The following WFS1 variants were observed in gnomAD, a reference collection of about 807,000 sequenced individuals.
WFS1 encodes wolframin.
In WFS1, 90 loss-of-function variants were observed where a neutral mutation model predicts 68.5. The ratio of observed to expected loss-of-function variants is 1.31; its 90% CI spans 1.11 to 1.56. The LOEUF is 1.56. WFS1 is among the 40% of genes most tolerant of loss of function. The pLI is 0.00. For synonymous variants in WFS1, 860 were observed against 540.7 expected (o/e 1.59, Z -8.19); for missense variants, 1,767 against 1,232.6 (o/e 1.43, Z -6.49).
chr4:6,282,432 CAG>C (rs1286975316), intron 2 of WFS1, among the ~76,000 whole-genome samples: 1 of 152,178 alleles, frequency 6.6e-6, no homozygotes, highest in African/African-American at 2.4e-5. Context: ...ACGAGAGGCG[CAG>C]AGAGATCGTG....
intron 1 of WFS1, among the ~76,000 whole-genome samples, chr4:6,271,088 T>C (rs1004072106): frequency 6.6e-6 from 1 of 152,218 alleles, no homozygotes; most frequent in African/African-American, 2.4e-5. Context: ...GGGTACCCCA[T>C]GTGCTGGCTG....
Position 6,302,036 on chromosome 4 carries a change from C to T in WFS1, c.2241C>T (p.Thr747=), listed in dbSNP as rs1284884837. ...ACCCTGCCTGCAGCCCTGGCAACAC[C>T]TCCACGGCCGAGGAGGAGCTCTGTC... ...EAYPACSPGN[T]STAEEELCRL... The change falls in exon 8 of 8, where the codon ACC becomes ACT. Residue 747 remains threonine (T), a synonymous_variant. Transcript: ENST00000226760. 2 of 1,612,692 alleles carry T rather than the reference C, an allele frequency of 1.2e-6. No individual in the cohort carries two copies. The highest frequency in any genetic ancestry group is 1.7e-6 in the Non-Finnish European group (2 of 1,179,952).
Position 6,277,512 on chromosome 4 carries a change from G to A in WFS1, c.57G>A (p.Pro19=), listed in dbSNP as rs1282394241. 5.7e-6 allele frequency: 9 copies of A among 1,580,924 alleles called. No individual in the cohort carries two copies. Among genetic ancestry groups the A allele is most frequent in the African/African-American group, 4.0e-5 (3 of 74,358 alleles). The change falls in exon 2 of 8, where the codon CCG becomes CCA. Residue 19 remains proline (P), a synonymous_variant. Transcript: ENST00000226760. Reference sequence around the variant, plus strand: ...CCTGCCCACAGCCCCCGCCAGCACCGCAGCCCCAGGCGCGTTCCCGACTCA... The same window carrying A: ...CCTGCCCACAGCCCCCGCCAGCACCACAGCCCCAGGCGCGTTCCCGACTCA... The part of the protein sequence containing the change: ...GPSCPQPPPA[P]QPQARSRLNA...
At chr4:6,282,230 TTG>T (rs2109111084) in intron 2 of WFS1, among the ~76,000 whole-genome samples, 1 of 152,308 alleles carries the variant, frequency 6.6e-6, no homozygotes, top group Non-Finnish European at 1.5e-5. Flanking sequence ...ACGAGAATCA[TTG>T]TCAGTGTCAC....
intron 4 of WFS1, 57 bp from the exon 5 acceptor site, chr4:6,291,140 T>G: frequency 6.3e-7 from 1 of 1,589,122 alleles, no homozygotes; most frequent in Non-Finnish European, 8.6e-7. Context: ...AGGGTCAGAG[T>G]GGCACCGAAA....
At position 6,277,567 on chromosome 4, in the gene WFS1, A is replaced by C; in HGVS notation, c.112A>C (p.Ser38Arg). Residue 38 changes from serine (S) to arginine (R), a missense_variant, in exon 2 of 8, where the codon AGC becomes CGC. Ser to Arg is a moderately radical substitution (Grantham distance 110). Transcript: ENST00000226760. ...CACAGCCTCGTTGGAGCAGGAGAGGAGCGAAAGGCCCCGAGCACCCGGACC... is the reference window on the plus strand; with the variant it reads ...CACAGCCTCGTTGGAGCAGGAGAGGCGCGAAAGGCCCCGAGCACCCGGACC... Reference protein sequence around the residue: ...NATASLEQERSERPRAPGPQA... With the variant: ...NATASLEQERRERPRAPGPQA... 1 of 1,588,740 alleles carries C rather than the reference A, an allele frequency of 6.3e-7. No homozygotes were observed. Among genetic ancestry groups the C allele is most frequent in the Non-Finnish European group, 8.6e-7 (1 of 1,168,238 alleles).
chr4:6,276,302 G>C lies in WFS1; in HGVS notation c.-5-1149G>C, dbSNP rs148784001. ...CGCTTTCAGCTCTGTGTCTGTGGCCGGTGGTTGTCCTTCATTACAGGGATG... is the reference window on the plus strand; with the variant it reads ...CGCTTTCAGCTCTGTGTCTGTGGCCCGTGGTTGTCCTTCATTACAGGGATG... On this transcript the variant is annotated intron_variant, in intron 1 of 7. Coordinates refer to ENST00000226760, the MANE Select transcript of WFS1 (RefSeq NM_006005.3). Among the ~76,000 whole-genome samples, 143 of 152,310 alleles carry C rather than the reference G, an allele frequency of 9.4e-4. No homozygotes were observed. The Middle Eastern group carries it at 0.01, about 11-fold the overall frequency.
chr4:6,279,797 C>A (rs1730103474), intron 2 of WFS1, among the ~76,000 whole-genome samples: 1 of 152,238 alleles, frequency 6.6e-6, no homozygotes, highest in African/African-American at 2.4e-5. Context: ...ATCGTCGGAG[C>A]CCCATCTGAG....
intron 7 of WFS1, among the ~76,000 whole-genome samples, chr4:6,298,351 G>A (rs1730700759): frequency 6.6e-6 from 1 of 152,200 alleles, no homozygotes; most frequent in African/African-American, 2.4e-5. Flanking sequence ...GCAAGCGTTG[G>A]AAATGCCCTC....
At chr4:6,272,134 G>T (rs1214123201) in intron 1 of WFS1, among the ~76,000 whole-genome samples, 1 of 152,218 alleles carries the variant, frequency 6.6e-6, no homozygotes, top group Admixed American at 6.5e-5. Flanking sequence ...CCCCTTCTGT[G>T]CCGTCTTTGT....
Position 6,272,591 on chromosome 4 carries a change from C to G in WFS1, c.-6+2577C>G, listed in dbSNP as rs140694397. On this transcript the variant is annotated intron_variant, in intron 1 of 7. Coordinates refer to ENST00000226760, the MANE Select transcript of WFS1 (RefSeq NM_006005.3). ...ACCTCCTGGGCCTGCTCCCTTAGAGCTTGCTCACAGATGGGTTTTAAAATA... is the reference window on the plus strand; with the variant it reads ...ACCTCCTGGGCCTGCTCCCTTAGAGGTTGCTCACAGATGGGTTTTAAAATA... Among the ~76,000 whole-genome samples the G allele has an allele frequency of 7.2e-4, 109 of 152,344 alleles. 1 individual carries two copies. The highest frequency in any genetic ancestry group is 2.5e-3 in the African/African-American group (104 of 41,584).
At chr4:6,298,237 G>A (rs1466853535) in intron 7 of WFS1, among the ~76,000 whole-genome samples, 2 of 152,240 alleles carry the variant, frequency 1.3e-5, no homozygotes, top group Non-Finnish European at 2.9e-5. Context: ...GTTGACTCGT[G>A]TAGCTGTTGA....
intron 1 of WFS1, among the ~76,000 whole-genome samples, chr4:6,270,705 C>T (rs920874788): frequency 2.0e-5 from 3 of 152,194 alleles, no homozygotes; most frequent in Non-Finnish European, 2.9e-5. Context: ...CTGGAGAATC[C>T]TACCCAGCCC....
intron 7 of WFS1, among the ~76,000 whole-genome samples, chr4:6,298,098 C>T (rs924485214): frequency 6.6e-6 from 1 of 152,228 alleles, no homozygotes; most frequent in South Asian, 2.1e-4. Flanking sequence ...AGGCCACCCC[C>T]TTGCTACCGT....
At chr4:6,270,364 C>T (rs1227803072) in intron 1 of WFS1, among the ~76,000 whole-genome samples, 2 of 151,580 alleles carry the variant, frequency 1.3e-5, no homozygotes, top group Middle Eastern at 3.5e-3. Context: ...CCATCCCCCC[C>T]GAGTTGCCCC....
intron 2 of WFS1, among the ~76,000 whole-genome samples, chr4:6,281,812 G>T (rs1730177033): frequency 6.6e-6 from 1 of 152,124 alleles, no homozygotes; most frequent in Admixed American, 6.5e-5. Flanking sequence ...TCCTGACCTG[G>T]CCCATCTGAT....
At position 6,287,155 on chromosome 4, in the gene WFS1, G is replaced by A; in HGVS notation, c.295G>A (p.Asp99Asn). 6.4e-7 allele frequency: 1 copy of A among 1,560,424 alleles called. No individual in the cohort carries two copies. Among genetic ancestry groups the A allele is most frequent in the Non-Finnish European group, 8.7e-7 (1 of 1,150,916 alleles). ...EEVLERAKAG[D>N]PKAQTEVGKH... ...AGTCCTGGAGAGGGCCAAGGCCGGG[G>A]ACCCCAAGGCACAGACTGAGGTGAG... is the stretch of plus-strand genomic sequence containing the variant. Residue 99 changes from aspartate (D) to asparagine (N), a missense_variant, in exon 3 of 8, where the codon GAC becomes AAC. Physicochemically the swap from Asp to Asn is conservative, Grantham distance 23 (BLOSUM62 1). Transcript: ENST00000226760. The surrounding 1 kb of genome is among the most constrained non-coding windows in gnomAD (Gnocchi z 6.4).
chr4:6,276,335 T>A (rs147764877), intron 1 of WFS1, among the ~76,000 whole-genome samples: 1 of 152,124 alleles, frequency 6.6e-6, no homozygotes, highest in Non-Finnish European at 1.5e-5. Flanking sequence ...ATGGTGGTGT[T>A]TTTCCATGTT....
intron 1 of WFS1, among the ~76,000 whole-genome samples, chr4:6,270,346 G>A (rs1729765363): frequency 6.7e-6 from 1 of 149,354 alleles, no homozygotes; most frequent in Non-Finnish European, 1.5e-5. Flanking sequence ...CCCTCCCCGC[G>A]CCCCGCGCCA....
Sources: gnomAD v4.1 joint callset for allele counts (sites outside exome capture counted in the v4.1 genomes callset) on GRCh38, gnomAD v4.1.1 for gene constraint, Gnocchi (gnomAD v3.1) non-coding constraint, MANE v1.5 for transcripts, NCBI Gene and HGNC (gene_info 2026-07-23, HGNC 2026-07-21) for gene names.